PPARGC1A: variants seen among roughly 807,000 people sequenced by gnomAD.
PPARGC1A encodes the protein PPARG coactivator 1 alpha, also known as peroxisome proliferator-activated receptor gamma coactivator 1-alpha.
PPARGC1A carries 25 observed loss-of-function variants against 88.7 expected under a neutral mutation model. The ratio of observed to expected loss-of-function variants is 0.28; its 90% CI spans 0.21 to 0.39. PPARGC1A has a LOEUF of 0.39. Among genes scored for constraint, PPARGC1A ranks in the 10% least tolerant of loss-of-function variants. PPARGC1A has a pLI of 1.00. For synonymous variants in PPARGC1A, 363 were observed against 355.6 expected (o/e 1.02, Z -0.24); for missense variants, 880 against 968.7 (o/e 0.91, Z 1.22).
the PPARGC1A span, among the ~76,000 whole-genome samples, chr4:24,145,300 G>C: frequency 0.034 from 5,187 of 152,160 alleles, 308 homozygotes; most frequent in African/African-American, 0.12. Flanking sequence ...AACCCACCCT[G>C]CACTTGTAAC....
chr4:23,957,949 T>C, the PPARGC1A span, among the ~76,000 whole-genome samples: 47 of 152,208 alleles, frequency 3.1e-4, no homozygotes, highest in South Asian at 8.1e-3. Flanking sequence ...TAGAGTCCAT[T>C]TGGGGCCTGA....
the PPARGC1A span, among the ~76,000 whole-genome samples, chr4:23,989,012 T>A: frequency 6.7e-6 from 1 of 149,422 alleles, no homozygotes; most frequent in South Asian, 2.1e-4. Flanking sequence ...TATATACATA[T>A]AATAGTATAC....
At chr4:24,312,032 A>C in the PPARGC1A span, among the ~76,000 whole-genome samples, 3 of 152,174 alleles carry the variant, frequency 2.0e-5, no homozygotes, top group Non-Finnish European at 4.4e-5. Context: ...TGCATCCTTC[A>C]CTCGTCTCCC....
chr4:24,091,657 G>A, the PPARGC1A span: 1 of 984,958 alleles, frequency 1.0e-6, no homozygotes, highest in Non-Finnish European at 1.2e-6. Context: ...AAAATGCCAT[G>A]CCAGAGGATG....
At chr4:24,078,072 T>C in the PPARGC1A span, among the ~76,000 whole-genome samples, 1 of 150,922 alleles carries the variant, frequency 6.6e-6, no homozygotes, top group African/African-American at 2.4e-5. Context: ...AAAAATGTTT[T>C]CCTCTGCCCT....
chr4:24,395,244 G>A, the PPARGC1A span, among the ~76,000 whole-genome samples: 68 of 152,270 alleles, frequency 4.5e-4, no homozygotes, highest in African/African-American at 1.5e-3. Context: ...AATCCAAACT[G>A]ATTTTTAATG....
the PPARGC1A span, among the ~76,000 whole-genome samples, chr4:24,116,997 CACA>C: frequency 4.4e-3 from 661 of 151,838 alleles, 4 homozygotes; most frequent in Non-Finnish European, 7.7e-3. Context: ...AAACAACAAC[CACA>C]ACAACAACAA....
the PPARGC1A span, among the ~76,000 whole-genome samples, chr4:24,424,258 C>CTTTTTTTTTTTTT: frequency 2.5e-4 from 11 of 44,346 alleles, 5 homozygotes; most frequent in East Asian, 9.7e-4. Context: ...TATACACACA[C>CTTTTTTTTTTTTT]TTTTTTTTTT....
the PPARGC1A span, among the ~76,000 whole-genome samples, chr4:24,280,151 T>A: frequency 6.6e-6 from 1 of 152,122 alleles, no homozygotes; most frequent in Non-Finnish European, 1.5e-5. Context: ...GCGTCCCTTC[T>A]CATAGAGCAA....
At chr4:23,979,170 C>T in the PPARGC1A span, among the ~76,000 whole-genome samples, 7 of 152,134 alleles carry the variant, frequency 4.6e-5, no homozygotes, top group African/African-American at 1.7e-4. Flanking sequence ...ACACTAGCAC[C>T]ATTTTTTTCT....
intron 2 of PPARGC1A, among the ~76,000 whole-genome samples, chr4:23,834,500 A>G (rs1190510194): frequency 6.8e-6 from 1 of 146,676 alleles, no homozygotes; most frequent in Admixed American, 6.8e-5. Flanking sequence ...AAAAAAAAAA[A>G]CAACCAAACC....
the PPARGC1A span, among the ~76,000 whole-genome samples, chr4:24,351,263 G>A: frequency 6.6e-6 from 1 of 151,782 alleles, no homozygotes; most frequent in African/African-American, 2.4e-5. Context: ...CAGGCATGGT[G>A]GTGCACACCT....
intron 10 of PPARGC1A, among the ~76,000 whole-genome samples, chr4:23,811,155 C>T (rs1417796737): frequency 2.0e-5 from 3 of 152,190 alleles, no homozygotes; most frequent in Admixed American, 1.3e-4. Flanking sequence ...CTTATTTCTC[C>T]TTAAGTGCCT....
chr4:24,241,974 C>A, the PPARGC1A span, among the ~76,000 whole-genome samples: 1 of 152,194 alleles, frequency 6.6e-6, no homozygotes, highest in East Asian at 1.9e-4. Context: ...CATTAGCCAG[C>A]ATTTCTCCAG....
the PPARGC1A span, among the ~76,000 whole-genome samples, chr4:24,096,094 G>A: frequency 6.6e-6 from 1 of 152,166 alleles, no homozygotes; most frequent in Non-Finnish European, 1.5e-5. Flanking sequence ...TCCCCTTGCT[G>A]TTCTCAGGTT....
At chr4:24,231,046 G>A in the PPARGC1A span, among the ~76,000 whole-genome samples, 1 of 151,914 alleles carries the variant, frequency 6.6e-6, no homozygotes, top group Non-Finnish European at 1.5e-5. Context: ...CTCTCATTGG[G>A]TATGGTAAAA....
the PPARGC1A span, among the ~76,000 whole-genome samples, chr4:24,375,233 G>T: frequency 2.7e-5 from 4 of 149,968 alleles, no homozygotes; most frequent in African/African-American, 9.7e-5. Context: ...TAGGGTTAAG[G>T]TTTGTGAAAT....
At chr4:24,176,296 G>C in the PPARGC1A span, among the ~76,000 whole-genome samples, 1 of 152,138 alleles carries the variant, frequency 6.6e-6, no homozygotes, top group Admixed American at 6.5e-5. Context: ...TTTTTAGCTT[G>C]TGGGGTGTTT....
At chr4:24,056,604 G>C in the PPARGC1A span, among the ~76,000 whole-genome samples, 1 of 152,228 alleles carries the variant, frequency 6.6e-6, no homozygotes, top group African/African-American at 2.4e-5. Flanking sequence ...AATGGCTCTA[G>C]AGTCAGATAG....
Sources: gnomAD v4.1 joint callset for allele counts (sites outside exome capture counted in the v4.1 genomes callset) on GRCh38, gnomAD v4.1.1 for gene constraint, MANE v1.5 for transcripts, NCBI Gene and HGNC (gene_info 2026-07-23, HGNC 2026-07-21) for gene names.